The following CREBRF variants were observed in gnomAD, a reference collection of about 807,000 sequenced individuals.
CREBRF encodes the protein UPF0474 protein C5orf41.
CREBRF carries 5 observed loss-of-function variants against 66.1 expected under a neutral mutation model. The observed-to-expected ratio is 0.08, with a 90% confidence interval of 0.04 to 0.16. CREBRF has a LOEUF of 0.16. Ranked by LOEUF, CREBRF falls within the 10% of genes least tolerant of loss-of-function variation. The probability of loss-of-function intolerance (pLI) is 1.00; values close to 1 mark genes in which losing one functional copy is unlikely to be tolerated. For synonymous variants in CREBRF, 229 were observed against 264.4 expected, an observed-to-expected ratio of 0.87 and a Z score of 1.30; for missense variants, 531 against 744.9, an observed-to-expected ratio of 0.71 and a Z score of 3.34.
At chr5:173,120,385 CTTTTTTTT>C (rs567092558) in intron 7 of CREBRF, among the ~76,000 whole-genome samples, 1 of 144,162 alleles carries the variant, frequency 6.9e-6, no homozygotes, top group African/African-American at 2.5e-5. Flanking sequence ...TTCTTTCTTT[CTTTTTTTT>C]TTTTGAGACA....
intron 4 of CREBRF, chr5:173,092,209 A>G (rs142546294): frequency 0.012 from 11,436 of 962,830 alleles, 63 homozygotes; most frequent in Non-Finnish European, 0.013. Flanking sequence ...ACTCATTCCA[A>G]TACCCAACAA....
intron 8 of CREBRF, among the ~76,000 whole-genome samples, chr5:173,127,910 C>T (rs769080871): frequency 5.9e-5 from 9 of 152,032 alleles, no homozygotes; most frequent in African/African-American, 1.2e-4. Context: ...TTTTTGATTT[C>T]TTCTATATCT....
chr5:173,073,827 C>T (rs1030167332), intron 1 of CREBRF, among the ~76,000 whole-genome samples: 13 of 151,916 alleles, frequency 8.6e-5, no homozygotes, highest in South Asian at 2.1e-4. Flanking sequence ...ATTAGCTGGG[C>T]GTGGTGGTGG....
intron 2 of CREBRF, among the ~76,000 whole-genome samples, chr5:173,083,468 A>C (rs1038043924): frequency 1.3e-5 from 2 of 152,136 alleles, no homozygotes; most frequent in Non-Finnish European, 2.9e-5. Flanking sequence ...TGCCCTTTTC[A>C]GGAATCAGGA....
intron 4 of CREBRF, among the ~76,000 whole-genome samples, chr5:173,098,820 A>G (rs1325713101): frequency 6.6e-6 from 1 of 151,384 alleles, no homozygotes; most frequent in African/African-American, 2.4e-5. Flanking sequence ...ATAAATCAAC[A>G]AACCCTTTAT....
Position 173,108,209 on chromosome 5 carries a change from A to T in CREBRF, c.1223-415A>T, listed in dbSNP as rs148843106. Among the ~76,000 whole-genome samples, 518 of 152,256 alleles carry T rather than the reference A, an allele frequency of 3.4e-3. 6 individuals carry two copies. The highest frequency in any genetic ancestry group is 0.011 in the African/African-American group (471 of 41,564). On this transcript the variant is annotated intron_variant, in intron 4 of 8. Coordinates refer to ENST00000296953, the MANE Select transcript of CREBRF (RefSeq NM_153607.3). ...AAGTATACATAGCTTTCTGTCTGAG[A>T]TGTTTCAGATACAAATATTAGAAGG...
intron 7 of CREBRF, 52 bp from the exon 8 acceptor site, chr5:173,123,023 AAAAGG>A (rs1759178379): frequency 9.3e-6 from 14 of 1,503,074 alleles, no homozygotes; most frequent in African/African-American, 1.4e-5. Context: ...TTACATAATT[AAAAGG>A]AAAGTCTTTC....
At chr5:173,101,599 C>T (rs904126965) in intron 4 of CREBRF, among the ~76,000 whole-genome samples, 3 of 151,590 alleles carry the variant, frequency 2.0e-5, no homozygotes, top group Admixed American at 6.6e-5. Context: ...GTCGCCCAGG[C>T]TGGAGTGCAG....
intron 1 of CREBRF, among the ~76,000 whole-genome samples, chr5:173,064,488 G>A (rs11134771): frequency 0.66 from 100,195 of 151,470 alleles, 33,652 homozygotes; most frequent in African/African-American, 0.72. Context: ...GGCTCAAGCA[G>A]TCCTCCTGCC....
Position 173,080,733 on chromosome 5 carries a change from A to C in CREBRF, c.-43A>C, listed in dbSNP as rs1379456453. The C allele has an allele frequency of 6.2e-7, 1 of 1,607,992 alleles. No homozygotes were observed. The highest frequency in any genetic ancestry group is 1.1e-5 in the South Asian group (1 of 90,474). ...TGGAAAGGAATTTACAAACAAGAAA[A>C]AAAAGAAGTTTGGAATCGGATTCAC... is the stretch of plus-strand genomic sequence containing the variant. On this transcript the variant is annotated 5_prime_UTR_variant, in exon 2 of 9. Transcript: ENST00000296953.
chr5:173,064,360 G>A (rs1187583433), intron 1 of CREBRF, among the ~76,000 whole-genome samples: 1 of 152,048 alleles, frequency 6.6e-6, no homozygotes, highest in African/African-American at 2.4e-5. Context: ...TAGTGGTATG[G>A]TATAAATGAG....
intron 4 of CREBRF, among the ~76,000 whole-genome samples, chr5:173,095,564 G>A (rs949585492): frequency 2.0e-5 from 3 of 152,052 alleles, no homozygotes. Context: ...TCTTACCCAA[G>A]ATAGCTTTGG....
Position 173,139,004 on chromosome 5 carries a change from T to G in CREBRF, c.*5259T>G, listed in dbSNP as rs1306980385. 6.6e-6 allele frequency: 1 copy of G among 152,194 alleles called. No homozygotes were observed. The highest frequency in any genetic ancestry group is 1.5e-5 in the Non-Finnish European group (1 of 68,030). The allele number at this position is 152,194 out of a possible 1,614,324, so 9.4% of individuals were successfully genotyped here. ...TATCATAAATATTCTGTAGTTTTTT[T>G]TTTTTCTCTCCCAACTGGAGCTATG... On this transcript the variant is annotated 3_prime_UTR_variant, in exon 9 of 9. Coordinates refer to ENST00000296953, the MANE Select transcript of CREBRF (RefSeq NM_153607.3).
At chr5:173,127,456 C>CT (rs1759303262) in intron 8 of CREBRF, among the ~76,000 whole-genome samples, 1 of 129,666 alleles carries the variant, frequency 7.7e-6, no homozygotes. Flanking sequence ...GTTTCTTTTT[C>CT]TTTTCTTTTT....
At chr5:173,079,392 G>A (rs1757863939) in intron 1 of CREBRF, among the ~76,000 whole-genome samples, 1 of 151,546 alleles carries the variant, frequency 6.6e-6, no homozygotes, top group Admixed American at 6.6e-5. Flanking sequence ...GAACCCAGGA[G>A]GTTGAGGTTG....
Position 173,090,471 on chromosome 5 carries a change from C to G in CREBRF, c.292C>G (p.Leu98Val), listed in dbSNP as rs776235463. The G allele has an allele frequency of 6.2e-6, 10 of 1,613,652 alleles. No homozygotes were observed. Among genetic ancestry groups the G allele is most frequent in the Non-Finnish European group, 5.9e-6 (7 of 1,179,646 alleles). ...ACAGTGGGATACATACTGTGAAGAC[C>G]TAACGAAATATACCAAACTAACCAG... is the stretch of plus-strand genomic sequence containing the variant. ...WEQWDTYCEDLTKYTKLTSCD... is the reference protein window; with the variant it reads ...WEQWDTYCEDVTKYTKLTSCD... Residue 98 changes from leucine (L) to valine (V), a missense_variant, in exon 4 of 9, where the codon CTA (leucine) becomes GTA (valine). Physicochemically the swap from Leu to Val is conservative, Grantham distance 32. Transcript: ENST00000296953. This position sits in a 1 kb window ranked among gnomAD's most constrained non-coding sequence, Gnocchi z 4.5.
intron 8 of CREBRF, among the ~76,000 whole-genome samples, chr5:173,127,525 T>G (rs1449375333): frequency 1.3e-5 from 2 of 151,422 alleles, no homozygotes; most frequent in African/African-American, 4.9e-5. Context: ...AGTTGCACGA[T>G]CTCGGCTTAC....
chr5:173,082,908 C>CAAAAAAAAAAAAAAA lies in CREBRF; in HGVS notation c.9+2148_9+2162dup, dbSNP rs70984937. On this transcript the variant is annotated intron_variant, in intron 2 of 8. Coordinates refer to ENST00000296953, the MANE Select transcript of CREBRF (RefSeq NM_153607.3). ...TGAGCGACGGAGCGAGACTCTGTCT[C>CAAAAAAAAAAAAAAA]AAAAAAAAAAAAAAAAAAAAAAAAA... is the stretch of plus-strand genomic sequence containing the variant. 2.1e-4 allele frequency among the ~76,000 whole-genome samples: 6 copies of CAAAAAAAAAAAAAAA among 29,018 alleles called. 1 individual carries two copies. Among genetic ancestry groups the CAAAAAAAAAAAAAAA allele is most frequent in the Non-Finnish European group, 3.0e-4 (5 of 16,430 alleles). The allele number at this position is 29,018 out of a possible 152,430, so 19.0% of individuals were successfully genotyped here.
In CREBRF at chr5:173,138,931, A is replaced by T. The variant is rs577567211; in HGVS notation, c.*5186A>T. 21 of 152,282 alleles carry T rather than the reference A, an allele frequency of 1.4e-4. No individual in the cohort carries two copies. Among genetic ancestry groups the T allele is most frequent in the Middle Eastern group, 3.4e-3 (1 of 294 alleles). The allele number at this position is 152,282 out of a possible 1,614,324, so 9.4% of individuals were successfully genotyped here. On this transcript the variant is annotated 3_prime_UTR_variant, in exon 9 of 9. Transcript: ENST00000296953. The stretch of plus-strand genomic sequence containing the variant: ...AGAATTCAAAGCATTTGTTCATACA[A>T]TGTGGCAACCTCTTTTGCATAGTTG...
Sources: gnomAD v4.1 joint callset for allele counts (sites outside exome capture counted in the v4.1 genomes callset) on GRCh38, gnomAD v4.1.1 for gene constraint, Gnocchi (gnomAD v3.1) non-coding constraint, MANE v1.5 for transcripts, NCBI Gene and HGNC (gene_info 2026-07-23, HGNC 2026-07-21) for gene names.